Variants in RGS7 observed in about 807,000 individuals in gnomAD.
RGS7 encodes the protein regulator of G protein signaling 7, also known as regulator of G-protein signaling 7.
In RGS7, 27 loss-of-function variants were observed where a neutral mutation model predicts 81.1. That is an observed-to-expected ratio of 0.33 (90% CI 0.25 to 0.46). The LOEUF is 0.46. Ranked by LOEUF, RGS7 falls within the 20% of genes least tolerant of loss-of-function variation. RGS7 has a pLI of 1.00. For synonymous variants in RGS7, 208 were observed against 207.7 expected (o/e 1.00, Z -0.01); for missense variants, 396 against 607.4 (o/e 0.65, Z 3.66).
intron 2 of RGS7, among the ~76,000 whole-genome samples, chr1:241,256,445 T>G (rs1461418844): frequency 6.6e-6 from 1 of 152,218 alleles, no homozygotes; most frequent in Non-Finnish European, 1.5e-5. Context: ...AGGATGAGGA[T>G]CCACCATAAC....
chr1:241,329,058 C>T (rs1218749943), intron 2 of RGS7, among the ~76,000 whole-genome samples: 10 of 152,204 alleles, frequency 6.6e-5, no homozygotes, highest in Non-Finnish European at 1.5e-4. Flanking sequence ...ATAACCATTG[C>T]TGTTATGCAC....
chr1:241,109,428 T>A (rs2065360462), intron 2 of RGS7, among the ~76,000 whole-genome samples: 1 of 152,128 alleles, frequency 6.6e-6, no homozygotes, highest in Admixed American at 6.5e-5. Context: ...TAGTTTAAAT[T>A]TTTTTTACCC....
intron 2 of RGS7, among the ~76,000 whole-genome samples, chr1:241,269,729 C>T (rs1448423789): frequency 2.6e-5 from 4 of 152,210 alleles, no homozygotes; most frequent in Non-Finnish European, 5.9e-5. Flanking sequence ...ACCATAAATA[C>T]ATTTCCTCTA....
chr1:240,822,971 CA>C (rs375142536), intron 10 of RGS7: 7 of 512,792 alleles, frequency 1.4e-5, no homozygotes, highest in Middle Eastern at 5.9e-4. Context: ...TTTTTTTCAT[CA>C]GGGGCTATTC....
intron 2 of RGS7, among the ~76,000 whole-genome samples, chr1:241,213,500 G>A (rs2074371574): frequency 6.6e-6 from 1 of 152,190 alleles, no homozygotes; most frequent in Non-Finnish European, 1.5e-5. Context: ...CAACATCTCT[G>A]TGGAATTTTT....
intron 2 of RGS7, among the ~76,000 whole-genome samples, chr1:241,343,604 G>T (rs1372102598): frequency 6.6e-6 from 1 of 152,158 alleles, no homozygotes; most frequent in African/African-American, 2.4e-5. Context: ...AGTCAAAAAA[G>T]AATAAATACT....
rs1157822425 is a variant in RGS7, at chr1:240,858,485, G to A, written c.609+10102C>T. Among the ~76,000 whole-genome samples the A allele has an allele frequency of 5.3e-5, 8 of 152,132 alleles. No homozygotes were observed. The East Asian group carries it at 9.6e-4, about 18-fold the overall frequency. ...GTTGTTTTAATTTAGCCCTAATGACGTGATGTTGAGCATCTTTTTGCCCTC... is the reference window on the plus strand; with the variant it reads ...GTTGTTTTAATTTAGCCCTAATGACATGATGTTGAGCATCTTTTTGCCCTC... On this transcript the variant is annotated intron_variant, in intron 9 of 18. Coordinates refer to ENST00000440928, the MANE Select transcript of RGS7 (RefSeq NM_001364886.1).
At chr1:241,151,908 C>T (rs774546024) in intron 2 of RGS7, among the ~76,000 whole-genome samples, 21 of 152,118 alleles carry the variant, frequency 1.4e-4, no homozygotes, top group Admixed American at 8.5e-4. Flanking sequence ...GAATGGAATA[C>T]AAGCTCCATG....
intron 2 of RGS7, among the ~76,000 whole-genome samples, chr1:241,117,519 C>T (rs74150217): frequency 0.013 from 2,016 of 152,222 alleles, 43 homozygotes; most frequent in African/African-American, 0.045. Context: ...GAAATGACTT[C>T]CTCTGGGAGG....
chr1:241,334,099 T>C (rs2082114375), intron 2 of RGS7, among the ~76,000 whole-genome samples: 1 of 151,906 alleles, frequency 6.6e-6, no homozygotes, highest in Non-Finnish European at 1.5e-5. Flanking sequence ...TTGAAAGTAT[T>C]TTAGTACTCC....
At chr1:241,221,470 C>A (rs1442847973) in intron 2 of RGS7, among the ~76,000 whole-genome samples, 1 of 152,144 alleles carries the variant, frequency 6.6e-6, no homozygotes, top group South Asian at 2.1e-4. Flanking sequence ...CAGTGGAATA[C>A]GGGCAGATGT....
At chr1:241,113,532 T>G (rs2065677069) in intron 2 of RGS7, among the ~76,000 whole-genome samples, 1 of 152,198 alleles carries the variant, frequency 6.6e-6, no homozygotes, top group Non-Finnish European at 1.5e-5. Context: ...AAGAAAAAAT[T>G]AAAATACTGA....
At chr1:241,105,450 A>T (rs553985391) in intron 2 of RGS7, among the ~76,000 whole-genome samples, 1 of 152,326 alleles carries the variant, frequency 6.6e-6, no homozygotes, top group Non-Finnish European at 1.5e-5. Flanking sequence ...CAGGTTAAAC[A>T]GTTCCCGCCC....
chr1:241,218,337 C>A lies in RGS7; in HGVS notation c.79-119575G>T, dbSNP rs182275113. ...CTGTACAATACCTGTCAAACGGAGC[C>A]CCCAGTAAATGCTGAAAGCACTTCA... is the stretch of plus-strand genomic sequence containing the variant. On this transcript the variant is annotated intron_variant, in intron 2 of 18. Coordinates refer to ENST00000440928, the MANE Select transcript of RGS7 (RefSeq NM_001364886.1). Among the ~76,000 whole-genome samples, 17 of 152,256 alleles carry A rather than the reference C, an allele frequency of 1.1e-4. No individual in the cohort carries two copies. In the East Asian group the frequency reaches 3.1e-3, roughly 28 times the overall value.
intron 2 of RGS7, among the ~76,000 whole-genome samples, chr1:241,151,565 C>CTTTTTTTTTTTTTTTTTTTTTTTTTT: frequency 8.6e-6 from 1 of 116,478 alleles, no homozygotes; most frequent in African/African-American, 3.3e-5. Context: ...ATTAGGAACT[C>CTTTTTTTTTTTTTTTTTTTTTTTTTT]TTTTTTTTTT....
chr1:241,142,247 A>G (rs557394272), intron 2 of RGS7, among the ~76,000 whole-genome samples: 19 of 152,136 alleles, frequency 1.2e-4, no homozygotes, highest in Non-Finnish European at 2.8e-4. Context: ...CAGTGGATCT[A>G]CCATTCTGAG....
At chr1:241,345,026 C>A (rs2082799279) in intron 2 of RGS7, among the ~76,000 whole-genome samples, 1 of 152,208 alleles carries the variant, frequency 6.6e-6, no homozygotes, top group Non-Finnish European at 1.5e-5. Context: ...AAATGTGGTA[C>A]ATACACATCA....
At chr1:241,322,897 G>A (rs1372384855) in intron 2 of RGS7, among the ~76,000 whole-genome samples, 1 of 152,018 alleles carries the variant, frequency 6.6e-6, no homozygotes, top group African/African-American at 2.4e-5. Flanking sequence ...AATAAAAATA[G>A]GATCATGAAT....
At chr1:241,242,306 G>GTAGATAGGTAGA (rs2076299082) in intron 2 of RGS7, among the ~76,000 whole-genome samples, 1 of 147,442 alleles carries the variant, frequency 6.8e-6, no homozygotes, top group Non-Finnish European at 1.5e-5. Flanking sequence ...CTATGGATGA[G>GTAGATAGGTAGA]TAGATAGATA....
Sources: allele counts gnomAD v4.1 joint callset (sites outside exome capture counted in the v4.1 genomes callset), GRCh38; gene constraint gnomAD v4.1.1; transcripts MANE v1.5; gene names NCBI Gene and HGNC (gene_info 2026-07-23, HGNC 2026-07-21).